Variants in TAAR5 observed in about 807,000 individuals in gnomAD.
TAAR5 encodes trace amine-associated receptor 5.
Under a neutral mutation model 21.1 loss-of-function variants are expected in TAAR5, and 27 were observed. That is an observed-to-expected ratio of 1.28 (90% CI 0.94 to 1.76). The LOEUF (loss-of-function observed/expected upper bound fraction) is 1.76. TAAR5 is among the 40% of genes most tolerant of loss of function. TAAR5 has a pLI of 0.00. For missense variants in TAAR5, 495 were observed against 405.6 expected, an observed-to-expected ratio of 1.22 and a Z score of -1.89; for synonymous variants, 203 against 167.5, an observed-to-expected ratio of 1.21 and a Z score of -1.64.
the TAAR5 span, among the ~76,000 whole-genome samples, chr6:132,598,362 A>G: frequency 6.6e-6 from 1 of 152,234 alleles, no homozygotes; most frequent in Non-Finnish European, 1.5e-5. Context: ...AACACACAAA[A>G]AATAGCAAAC....
chr6:132,589,514 G>A lies in TAAR5; in HGVS notation c.173C>T (p.Ala58Val), dbSNP rs1211437644. 1.9e-6 allele frequency: 3 copies of A among 1,613,856 alleles called. No individual in the cohort carries two copies. Among genetic ancestry groups the A allele is most frequent in the East Asian group, 2.2e-5 (1 of 44,866 alleles). The stretch of plus-strand genomic sequence containing the variant: ...GTGAAGCGCTTTGAAGTAGGACACA[G>A]CAAATGCCACAAATACATTCCCTAG... ...IVLGNVFVAF[A>V]VSYFKALHTP... Residue 58 changes from alanine (A) to valine (V), a missense_variant, in exon 1 of 1, where the codon GCT becomes GTT. Ala to Val is a moderately conservative substitution (Grantham distance 64, BLOSUM62 0). Coordinates refer to ENST00000258034, the MANE Select transcript of TAAR5 (RefSeq NM_003967.3).
the TAAR5 span, among the ~76,000 whole-genome samples, chr6:132,596,841 G>T: frequency 3.3e-5 from 5 of 151,968 alleles, no homozygotes; most frequent in East Asian, 1.9e-4. Context: ...GTTCTAAAAG[G>T]CTGCAAATAA....
upstream of TAAR5, among the ~76,000 whole-genome samples, chr6:132,591,505 G>A (rs1450303814): frequency 1.3e-5 from 2 of 152,270 alleles, no homozygotes; most frequent in South Asian, 2.1e-4. Context: ...CCTGGCTACC[G>A]CTGGAATCTT....
the TAAR5 span, among the ~76,000 whole-genome samples, chr6:132,601,119 G>A: frequency 7.0e-4 from 67 of 95,092 alleles, no homozygotes; most frequent in African/African-American, 1.8e-3. Context: ...AAGGGAAGGA[G>A]GGAAGGAGGG....
the TAAR5 span, among the ~76,000 whole-genome samples, chr6:132,598,739 G>C: frequency 6.6e-6 from 1 of 152,182 alleles, no homozygotes; most frequent in Non-Finnish European, 1.5e-5. Context: ...CAGAGAAATG[G>C]CTCTGGGAGG....
the TAAR5 span, chr6:132,608,204 A>G: frequency 2.6e-6 from 1 of 379,880 alleles, no homozygotes; most frequent in African/African-American, 2.1e-5. Context: ...AATAATAACA[A>G]TCTCATTTGC....
At chr6:132,605,654 TTAGAG>T in the TAAR5 span, among the ~76,000 whole-genome samples, 1 of 152,074 alleles carries the variant, frequency 6.6e-6, no homozygotes, top group African/African-American at 2.4e-5. Context: ...TGTGAAGTTT[TTAGAG>T]TAAAGAAGTA....
the TAAR5 span, among the ~76,000 whole-genome samples, chr6:132,596,360 A>G: frequency 6.6e-6 from 1 of 152,146 alleles, no homozygotes; most frequent in Non-Finnish European, 1.5e-5. Context: ...CCAGTGCCGG[A>G]GCTGGATGTG....
At chr6:132,591,544 A>T (rs1345562598), upstream of TAAR5, among the ~76,000 whole-genome samples, 1 of 152,218 alleles carries the variant, frequency 6.6e-6, no homozygotes, top group African/African-American at 2.4e-5. Flanking sequence ...ATGTGTGGAA[A>T]TACATATCTG....
the TAAR5 span, among the ~76,000 whole-genome samples, chr6:132,613,488 T>C: frequency 6.6e-6 from 1 of 152,202 alleles, no homozygotes; most frequent in Admixed American, 6.6e-5. Context: ...GGAATTCTCA[T>C]TTTTTAAAGT....
Position 132,589,058 on chromosome 6 carries a change from A to G in TAAR5, c.629T>C (p.Val210Ala). ...CAAGCTGATCATAATGAGGCAGGGG[A>G]CAAAGAACAAAGGGAAGTTTAACCA... is the stretch of plus-strand genomic sequence containing the variant. ...WGWLNFPLFFVPCLIMISLYV... is the reference protein window; with the variant it reads ...WGWLNFPLFFAPCLIMISLYV... The change falls in exon 1 of 1, where the codon GTC becomes GCC. Residue 210 changes from valine to alanine, a missense_variant. Coordinates refer to ENST00000258034, the MANE Select transcript of TAAR5 (RefSeq NM_003967.3). 1 of 1,614,062 alleles carries G rather than the reference A, an allele frequency of 6.2e-7. No homozygotes were observed. Among genetic ancestry groups the G allele is most frequent in the Non-Finnish European group, 8.5e-7 (1 of 1,179,976 alleles).
chr6:132,602,845 A>AT, the TAAR5 span, among the ~76,000 whole-genome samples: 1 of 121,676 alleles, frequency 8.2e-6, no homozygotes, highest in African/African-American at 3.4e-5. Flanking sequence ...AGGGCTATGG[A>AT]TTAAAAAAAA....
In TAAR5 at chr6:132,589,149, T is replaced by G; in HGVS notation, c.538A>C (p.Ser180Arg). Residue 180 changes from serine (S) to arginine (R), a missense_variant, in exon 1 of 1, where the codon AGC (serine) becomes CGC (arginine). By Grantham distance (110) the Ser-to-Arg change is moderately radical (BLOSUM62 -1). Coordinates refer to ENST00000258034, the MANE Select transcript of TAAR5 (RefSeq NM_003967.3). ...LYTDVVETRL[S>R]QWLEEMPCVG... ...CAAGGCATCTCTTCCAGCCACTGGC[T>G]GAGCCTTGTCTCTACCACATCTGTG... 1 of 1,611,278 alleles carries G rather than the reference T, an allele frequency of 6.2e-7. No homozygotes were observed. Among genetic ancestry groups the G allele is most frequent in the South Asian group, 1.1e-5 (1 of 90,422 alleles).
chr6:132,594,913 A>G, the TAAR5 span: 2 of 152,248 alleles, frequency 1.3e-5, no homozygotes, highest in Non-Finnish European at 1.5e-5. Flanking sequence ...TGCACCAATT[A>G]TGTTTAGTTT....
chr6:132,597,748 T>C, the TAAR5 span, among the ~76,000 whole-genome samples: 1 of 152,152 alleles, frequency 6.6e-6, no homozygotes, highest in Admixed American at 6.6e-5. Context: ...AGTTATTTCT[T>C]CTAGGAGGCA....
chr6:132,606,485 C>T, the TAAR5 span, among the ~76,000 whole-genome samples: 3 of 152,144 alleles, frequency 2.0e-5, no homozygotes, highest in Admixed American at 6.5e-5. Flanking sequence ...GAAGAAGACA[C>T]TTGGCAGTTC....
the TAAR5 span, among the ~76,000 whole-genome samples, chr6:132,607,166 G>A: frequency 6.6e-6 from 1 of 152,092 alleles, no homozygotes; most frequent in African/African-American, 2.4e-5. Context: ...CTGGACTCCA[G>A]CCCGGGTGAC....
chr6:132,609,486 C>T, the TAAR5 span, among the ~76,000 whole-genome samples: 1 of 152,132 alleles, frequency 6.6e-6, no homozygotes, highest in Non-Finnish European at 1.5e-5. Context: ...AGAAAAATGA[C>T]AATTTTCAGC....
At chr6:132,597,801 C>T in the TAAR5 span, among the ~76,000 whole-genome samples, 1 of 152,154 alleles carries the variant, frequency 6.6e-6, no homozygotes, top group Non-Finnish European at 1.5e-5. Flanking sequence ...AGAGCAAGAA[C>T]TGCATAGCTT....
Sources: gnomAD v4.1 joint callset for allele counts (sites outside exome capture counted in the v4.1 genomes callset) on GRCh38, gnomAD v4.1.1 for gene constraint, MANE v1.5 for transcripts, NCBI Gene and HGNC (gene_info 2026-07-23, HGNC 2026-07-21) for gene names.